Variants in DDR2 observed in about 807,000 individuals in gnomAD.
DDR2 encodes the protein discoidin domain-containing receptor 2.
Under a neutral mutation model 94.9 loss-of-function variants are expected in DDR2, and 27 were observed. The ratio of observed to expected loss-of-function variants is 0.28; its 90% CI spans 0.21 to 0.39. The LOEUF (loss-of-function observed/expected upper bound fraction) is 0.39. Among genes scored for constraint, DDR2 ranks in the 10% least tolerant of loss-of-function variants. The pLI is 1.00. For synonymous variants in DDR2, 382 were observed against 377.2 expected (o/e 1.01, Z -0.15); for missense variants, 783 against 1,076.0 (o/e 0.73, Z 3.81).
At chr1:162,681,974 G>A (rs927234348) in intron 2 of DDR2, among the ~76,000 whole-genome samples, 4 of 152,010 alleles carry the variant, frequency 2.6e-5, no homozygotes, top group Non-Finnish European at 5.9e-5. Flanking sequence ...GTAAATTTTG[G>A]GTCCCTCTTG....
intron 7 of DDR2, among the ~76,000 whole-genome samples, chr1:162,756,577 G>A (rs1200853480): frequency 6.6e-6 from 1 of 152,198 alleles, no homozygotes; most frequent in Non-Finnish European, 1.5e-5. Context: ...AGAGAATTCA[G>A]TCCATCGTGA....
intron 1 of DDR2, among the ~76,000 whole-genome samples, chr1:162,650,603 A>C (rs1427163494): frequency 1.3e-5 from 2 of 152,100 alleles, no homozygotes; most frequent in Non-Finnish European, 2.9e-5. Flanking sequence ...CTCAAAAATA[A>C]ATACATAAAT....
chr1:162,775,611 C>T (rs1403268754), intron 14 of DDR2, 41 bp from the exon 15 acceptor site: 1 of 1,607,094 alleles, frequency 6.2e-7, no homozygotes, highest in African/African-American at 1.3e-5. Flanking sequence ...GATTCTGACT[C>T]TGGCAACTTC....
At chr1:162,747,549 G>T (rs568766910) in intron 3 of DDR2, among the ~76,000 whole-genome samples, 1 of 151,640 alleles carries the variant, frequency 6.6e-6, no homozygotes, top group Admixed American at 6.5e-5. Flanking sequence ...GTGACGGGGA[G>T]AATGGAACCA....
chr1:162,655,165 A>G (rs1376205970), intron 1 of DDR2, 46 bp from the exon 2 acceptor site: 1 of 152,208 alleles, frequency 6.6e-6, no homozygotes, highest in South Asian at 2.1e-4. Context: ...AGAAATGTGA[A>G]TGGAACCAAA....
At chr1:162,749,013 G>A (rs1663035900) in intron 3 of DDR2, among the ~76,000 whole-genome samples, 1 of 152,220 alleles carries the variant, frequency 6.6e-6, no homozygotes, top group Non-Finnish European at 1.5e-5. Context: ...GCAGTGCATA[G>A]AGGGAAATTT....
Position 162,759,835 on chromosome 1 carries a change from T to C in DDR2, c.711T>C (p.Ser237=). 6.2e-7 allele frequency: 1 copy of C among 1,614,154 alleles called. No individual in the cohort carries two copies. Among genetic ancestry groups the C allele is most frequent in the Non-Finnish European group, 8.5e-7 (1 of 1,180,012 alleles). Residue 237 remains serine (S), a synonymous_variant, in exon 8 of 18, where the codon TCT becomes TCC. Transcript: ENST00000367921. ...EGLGQLTDGV[S]GLDDFTQTHE... Reference sequence around the variant, plus strand: ...TAGGCCAATTGACCGATGGTGTGTCTGGCCTGGACGATTTCACCCAGACCC... The same window carrying C: ...TAGGCCAATTGACCGATGGTGTGTCCGGCCTGGACGATTTCACCCAGACCC...
chr1:162,675,722 G>C (rs972146433), intron 2 of DDR2, among the ~76,000 whole-genome samples: 1 of 152,270 alleles, frequency 6.6e-6, no homozygotes, highest in East Asian at 1.9e-4. Flanking sequence ...GTAGAGAAGT[G>C]GTCAATGAAG....
At chr1:162,668,084 C>T (rs893785367) in intron 2 of DDR2, among the ~76,000 whole-genome samples, 1 of 152,044 alleles carries the variant, frequency 6.6e-6, no homozygotes, top group Non-Finnish European at 1.5e-5. Context: ...AAGCACTCCC[C>T]TGGAGTACAA....
At position 162,775,827 on chromosome 1, in the gene DDR2, G is replaced by T. The variant is rs759124429; in HGVS notation, c.2032G>T (p.Asp678Tyr). Residue 678 changes from aspartate to tyrosine, a missense_variant, in exon 15 of 18, where the codon GAT becomes TAT. Coordinates refer to ENST00000367921, the MANE Select transcript of DDR2 (RefSeq NM_006182.4). ...RHEPPNSSSS[D>Y]VRTVSYTNLK... is the part of the protein sequence containing the mutation. Reference sequence around the variant, plus strand: ...CGAGCCCCCTAATTCTTCCTCCAGCGATGTACGCACTGTCAGGTAAACAAG... The same window carrying T: ...CGAGCCCCCTAATTCTTCCTCCAGCTATGTACGCACTGTCAGGTAAACAAG... 6.2e-7 allele frequency: 1 copy of T among 1,613,926 alleles called. No individual in the cohort carries two copies. Among genetic ancestry groups the T allele is most frequent in the East Asian group, 2.2e-5 (1 of 44,868 alleles).
intron 16 of DDR2, 82 bp downstream of exon 16, chr1:162,776,452 C>G: frequency 1.6e-6 from 2 of 1,284,488 alleles, no homozygotes; most frequent in Non-Finnish European, 2.3e-6. Flanking sequence ...AAACCTGAGA[C>G]AGCAGGAGGC....
chr1:162,689,842 TAAAAAAAA>T (rs1158650637), intron 2 of DDR2, among the ~76,000 whole-genome samples: 1 of 10,924 alleles, frequency 9.2e-5, no homozygotes, highest in East Asian at 3.2e-3. Flanking sequence ...CATCTCTACT[TAAAAAAAA>T]AAAAAAAAAA....
intron 3 of DDR2, among the ~76,000 whole-genome samples, chr1:162,745,462 C>T (rs1662806156): frequency 1.3e-5 from 2 of 152,006 alleles, no homozygotes; most frequent in Non-Finnish European, 1.5e-5. Flanking sequence ...TTTTAGATAT[C>T]ATGTTTAAAT....
At chr1:162,716,715 T>G (rs545072865) in intron 2 of DDR2, among the ~76,000 whole-genome samples, 77 of 152,244 alleles carry the variant, frequency 5.1e-4, no homozygotes, top group African/African-American at 1.8e-3. Context: ...TGCTTTTTTT[T>G]TTTTTTAACC....
intron 2 of DDR2, among the ~76,000 whole-genome samples, chr1:162,681,743 G>T (rs1011515296): frequency 6.6e-6 from 1 of 152,094 alleles, no homozygotes; most frequent in Non-Finnish European, 1.5e-5. Flanking sequence ...CTGTCCTCAT[G>T]ATCTAATCAC....
intron 8 of DDR2, among the ~76,000 whole-genome samples, chr1:162,760,898 T>C (rs1192500045): frequency 1.3e-5 from 2 of 152,052 alleles, no homozygotes; most frequent in Non-Finnish European, 2.9e-5. Flanking sequence ...GATTCGTGTG[T>C]GTATCTATAC....
intron 3 of DDR2, among the ~76,000 whole-genome samples, chr1:162,751,304 A>C (rs1048552711): frequency 3.3e-5 from 5 of 151,924 alleles, no homozygotes; most frequent in Non-Finnish European, 7.3e-5. Context: ...ATAAGAAAAA[A>C]AATCAAACAA....
intron 2 of DDR2, among the ~76,000 whole-genome samples, chr1:162,713,258 T>C (rs188059804): frequency 5.3e-5 from 8 of 152,184 alleles, no homozygotes; most frequent in Admixed American, 1.3e-4. Flanking sequence ...ATAGGACGTG[T>C]TCCCCCCACA....
chr1:162,667,544 AAC>A (rs978504144), intron 2 of DDR2, among the ~76,000 whole-genome samples: 24 of 152,166 alleles, frequency 1.6e-4, no homozygotes, highest in African/African-American at 5.8e-4. Flanking sequence ...GAAAAGAACA[AAC>A]ACACACACAC....
Sources: allele counts gnomAD v4.1 joint callset (sites outside exome capture counted in the v4.1 genomes callset), GRCh38; gene constraint gnomAD v4.1.1; transcripts MANE v1.5; gene names NCBI Gene and HGNC (gene_info 2026-07-23, HGNC 2026-07-21).